The following DDX60L variants were observed in gnomAD, a reference collection of about 807,000 sequenced individuals.
DDX60L encodes probable ATP-dependent RNA helicase DDX60-like.
DDX60L carries 191 observed loss-of-function variants against 211.6 expected under a neutral mutation model. The observed-to-expected ratio is 0.90, with a 90% confidence interval of 0.80 to 1.02. DDX60L has a LOEUF of 1.02. Ranked by LOEUF, DDX60L falls within the 50% of genes least tolerant of loss-of-function variation. The pLI, the probability that DDX60L is intolerant of heterozygous loss-of-function variation, is 0.00. For synonymous variants in DDX60L, 706 were observed against 694.1 expected (o/e 1.02, Z -0.27); for missense variants, 2,007 against 1,984.1 (o/e 1.01, Z -0.22).
chr4:168,472,539 A>G lies in DDX60L; in HGVS notation c.5-15T>C. On this transcript the variant is annotated splice_polypyrimidine_tract_variant and intron_variant, in intron 2 of 37. Transcript: ENST00000682922. ...ATCCTTTGACCCTAAAAATAAGGAGATTTTTTGAGCCATCAATATTTTTAC... is the reference window on the plus strand; with the variant it reads ...ATCCTTTGACCCTAAAAATAAGGAGGTTTTTTGAGCCATCAATATTTTTAC... 6.3e-7 allele frequency: 1 copy of G among 1,579,338 alleles called. No individual in the cohort carries two copies. The highest frequency in any genetic ancestry group is 1.1e-5 in the South Asian group (1 of 87,198).
chr4:168,357,683 T>G lies in DDX60L; in HGVS notation c.*464A>C, dbSNP rs1738383137. The G allele has an allele frequency of 6.4e-6, 1 of 157,144 alleles. No individual in the cohort carries two copies. 9.7% of individuals were successfully genotyped at this position (157,144 alleles called of 1,614,324 possible). A position where few individuals can be genotyped will look rare whatever the true frequency, so the allele number is the denominator to read the frequency against. ...ATCCAGTCCACAGCAGTGAGTTTCT[T>G]GTAATCTCAGAAGTCTTCTTACATA... is the stretch of plus-strand genomic sequence containing the variant. On this transcript the variant is annotated 3_prime_UTR_variant, in exon 38 of 38. Coordinates refer to ENST00000682922, the MANE Select transcript of DDX60L (RefSeq NM_001012967.3).
At chr4:168,434,919 A>C (rs1374138046) in intron 10 of DDX60L, among the ~76,000 whole-genome samples, 3 of 152,202 alleles carry the variant, frequency 2.0e-5, no homozygotes, top group Non-Finnish European at 4.4e-5. Flanking sequence ...ACCCTGCTCC[A>C]CTGCCAAAAC....
At position 168,430,567 on chromosome 4, in the gene DDX60L, A is replaced by C; in HGVS notation, c.1588T>G (p.Ser530Ala). 1 of 1,606,632 alleles carries C rather than the reference A, an allele frequency of 6.2e-7. No homozygotes were observed. The highest frequency in any genetic ancestry group is 8.5e-7 in the Non-Finnish European group (1 of 1,176,442). ...ACTTTCGTAGAGATTGATTCTAACGATTTCCCATAAAATTGCTGATAATCC... is the reference window on the plus strand; with the variant it reads ...ACTTTCGTAGAGATTGATTCTAACGCTTTCCCATAAAATTGCTGATAATCC... The part of the protein sequence containing the change: ...IQDYQQFYGK[S>A]LESISTKVIV... Residue 530 changes from serine (S) to alanine (A), a missense_variant, in exon 13 of 38, where the codon TCG becomes GCG. Physicochemically the swap from Ser to Ala is moderately conservative, Grantham distance 99 (BLOSUM62 1). Transcript: ENST00000682922.
intron 18 of DDX60L, 96 bp downstream of exon 18, chr4:168,420,165 T>A (rs1465042235): frequency 9.6e-7 from 1 of 1,042,228 alleles, no homozygotes; most frequent in Non-Finnish European, 1.3e-6. Context: ...TGAAATGATT[T>A]CTATAAGGGC....
chr4:168,379,844 G>A lies in DDX60L; in HGVS notation c.4117-14C>T, dbSNP rs752138507. ...CACTGACAACACCTATAAAAGAAGA[G>A]TACTTTAATTTATCTAGTTTTAAAC... On this transcript the variant is annotated splice_polypyrimidine_tract_variant and intron_variant, in intron 30 of 37. Transcript: ENST00000682922. 56 of 1,563,288 alleles carry A rather than the reference G, an allele frequency of 3.6e-5. 1 individual carries two copies. The highest frequency in any genetic ancestry group is 3.4e-4 in the South Asian group (30 of 87,936).
At chr4:168,361,355 T>C (rs1172623302) in intron 36 of DDX60L, 144 bp from the exon 37 acceptor site, 6 of 534,790 alleles carry the variant, frequency 1.1e-5, no homozygotes, top group Non-Finnish European at 2.0e-5. Context: ...GTATTAATCA[T>C]AATGAAATTG....
chr4:168,378,491 GCATT>G lies in DDX60L; in HGVS notation c.4364-20_4364-17del. On this transcript the variant is annotated splice_polypyrimidine_tract_variant and intron_variant, in intron 32 of 37. Transcript: ENST00000682922. The stretch of plus-strand genomic sequence containing the variant: ...TGTTGTGAGCCTATTGAAATAAAGA[GCATT>G]ATTATAAATAAGAATAATGTTGATT... 1 of 1,509,622 alleles carries G rather than the reference GCATT, an allele frequency of 6.6e-7. No individual in the cohort carries two copies. The highest frequency in any genetic ancestry group is 2.4e-5 in the East Asian group (1 of 41,766). The allele number at this position is 1,509,622 out of a possible 1,614,324, so 93.5% of individuals were successfully genotyped here.
At chr4:168,415,191 T>C (rs150031614) in intron 22 of DDX60L, among the ~76,000 whole-genome samples, 163 of 152,022 alleles carry the variant, frequency 1.1e-3, no homozygotes, top group African/African-American at 3.0e-3. Flanking sequence ...TATCAAAATA[T>C]CTCATGTGCC....
At chr4:168,377,848 A>T (rs1256055173) in intron 33 of DDX60L, 1 of 152,148 alleles carries the variant, frequency 6.6e-6, no homozygotes, top group East Asian at 1.9e-4. Flanking sequence ...TTGTGTCTTT[A>T]AAAAAATAAG....
chr4:168,457,569 A>G (rs1001453037), intron 6 of DDX60L, among the ~76,000 whole-genome samples: 1 of 152,182 alleles, frequency 6.6e-6, no homozygotes, highest in African/African-American at 2.4e-5. Context: ...TTGACTGTTT[A>G]TATGGCAAAT....
chr4:168,415,517 A>G lies in DDX60L; in HGVS notation c.2870T>C (p.Val957Ala), dbSNP rs143264194. The change falls in exon 22 of 38, where the codon GTG becomes GCG. Residue 957 changes from valine (V) to alanine (A), a missense_variant and splice_region_variant. By Grantham distance (64) the Val-to-Ala change is moderately conservative (BLOSUM62 0). Coordinates refer to ENST00000682922, the MANE Select transcript of DDX60L (RefSeq NM_001012967.3). ...ATCATTGTATCTCTCTCCACAGAGC[A>G]CTAGATACGAAGAGCAAGAATATCC... ...YKNQSYEVRL[V>A]LCGERYNDLE... 3,909 of 1,554,218 alleles carry G rather than the reference A, an allele frequency of 2.5e-3. 96 individuals are homozygous for G. The African/African-American group carries it at 0.047, about 19-fold the overall frequency.
chr4:168,388,517 T>C (rs1417326924), intron 29 of DDX60L, among the ~76,000 whole-genome samples: 1 of 152,258 alleles, frequency 6.6e-6, no homozygotes, highest in Non-Finnish European at 1.5e-5. Flanking sequence ...TGCACAGTTC[T>C]GAGTGGTGTA....
At chr4:168,388,042 C>T (rs1432676446) in intron 29 of DDX60L, among the ~76,000 whole-genome samples, 1 of 152,188 alleles carries the variant, frequency 6.6e-6, no homozygotes, top group Middle Eastern at 3.2e-3. Context: ...GATGGACGCA[C>T]ATTGTACAGA....
At chr4:168,406,107 G>C (rs182903390) in intron 23 of DDX60L, 29 bp from the exon 24 acceptor site, 1 of 1,577,870 alleles carries the variant, frequency 6.3e-7, no homozygotes, top group East Asian at 2.3e-5. Context: ...ACAAAATTAA[G>C]CTAAGCTATG....
intron 12 of DDX60L, among the ~76,000 whole-genome samples, chr4:168,431,616 T>C (rs1752367750): frequency 6.6e-6 from 1 of 151,374 alleles, no homozygotes; most frequent in South Asian, 2.1e-4. Context: ...GACGAGTTAA[T>C]GGGTGCAGCA....
At chr4:168,380,668 A>C (rs1342917997) in intron 30 of DDX60L, 4 of 152,176 alleles carry the variant, frequency 2.6e-5, no homozygotes, top group Non-Finnish European at 5.9e-5. Flanking sequence ...GTTGATACTG[A>C]GGAGTGGGGC....
At chr4:168,441,304 C>T (rs774078918) in intron 10 of DDX60L, 33 bp downstream of exon 10, 9 of 1,546,348 alleles carry the variant, frequency 5.8e-6, no homozygotes, top group Non-Finnish European at 7.9e-6. Flanking sequence ...GACAAACATG[C>T]TTTTGTTCCA....
chr4:168,358,136 T>G lies in DDX60L; in HGVS notation c.*11A>C. On this transcript the variant is annotated 3_prime_UTR_variant, in exon 38 of 38. Coordinates refer to ENST00000682922, the MANE Select transcript of DDX60L (RefSeq NM_001012967.3). ...ATACCACATAATCAGACTTGAAAGT[T>G]TTCCATGGTGTTATTCTAAATGATT... is the stretch of plus-strand genomic sequence containing the variant. 6.2e-7 allele frequency: 1 copy of G among 1,606,068 alleles called. No individual in the cohort carries two copies.
chr4:168,369,007 C>G (rs1035478930), intron 36 of DDX60L, among the ~76,000 whole-genome samples: 4 of 152,136 alleles, frequency 2.6e-5, no homozygotes, highest in Non-Finnish European at 5.9e-5. Flanking sequence ...AGACATTGTA[C>G]AGTAGACTTT....
Sources: allele counts gnomAD v4.1 joint callset (sites outside exome capture counted in the v4.1 genomes callset), GRCh38; gene constraint gnomAD v4.1.1; transcripts MANE v1.5; gene names NCBI Gene and HGNC (gene_info 2026-07-23, HGNC 2026-07-21).